The following GPR158 variants were observed in gnomAD, a reference collection of about 807,000 sequenced individuals.
The protein encoded by GPR158 is G protein-coupled receptor 158.
GPR158 carries 30 observed loss-of-function variants against 78.2 expected under a neutral mutation model. The observed-to-expected ratio is 0.38, with a 90% CI of 0.29 to 0.52. GPR158 has a LOEUF of 0.52. Ranked by LOEUF, GPR158 falls within the 20% of genes least tolerant of loss-of-function variation. The probability of loss-of-function intolerance (pLI) is 0.83; values close to 1 mark genes in which losing one functional copy is unlikely to be tolerated. For synonymous variants in GPR158, 581 were observed against 591.1 expected (o/e 0.98, Z 0.25); for missense variants, 1,463 against 1,523.5 (o/e 0.96, Z 0.66).
chr10:25,595,454 G>A (rs1475250809), intron 9 of GPR158, among the ~76,000 whole-genome samples: 1 of 152,166 alleles, frequency 6.6e-6, no homozygotes, highest in Admixed American at 6.5e-5. Flanking sequence ...GTAGAAGGAT[G>A]TTCATAGCAG....
chr10:25,545,362 G>A (rs1836649383), intron 5 of GPR158, among the ~76,000 whole-genome samples: 1 of 152,068 alleles, frequency 6.6e-6, no homozygotes, highest in Admixed American at 6.6e-5. Context: ...ATCCTCTCCA[G>A]GATCTGTTGT....
In GPR158 at chr10:25,197,121, A is replaced by G. The variant is rs1317282721; in HGVS notation, c.902+20799A>G. 2.0e-5 allele frequency among the ~76,000 whole-genome samples: 3 copies of G among 152,214 alleles called. No individual in the cohort carries two copies. In the East Asian group the frequency reaches 5.8e-4, roughly 29 times the overall value. ...ACAGTTGGATGTGGAGGGAGGAGGT[A>G]GAGAAACATATGATCTGTTCACTAT... is the stretch of plus-strand genomic sequence containing the variant. On this transcript the variant is annotated intron_variant, in intron 1 of 10. Coordinates refer to ENST00000376351, the MANE Select transcript of GPR158 (RefSeq NM_020752.3).
intron 2 of GPR158, among the ~76,000 whole-genome samples, chr10:25,284,092 G>T (rs1854314320): frequency 6.6e-6 from 1 of 152,012 alleles, no homozygotes; most frequent in South Asian, 2.1e-4. Flanking sequence ...TTCTGCTTTT[G>T]CTGGGTAGAG....
At chr10:25,462,252 G>C (rs948623785) in intron 4 of GPR158, among the ~76,000 whole-genome samples, 3 of 152,286 alleles carry the variant, frequency 2.0e-5, no homozygotes, top group Admixed American at 1.3e-4. Flanking sequence ...GGATGTGATA[G>C]CACATCTATT....
At chr10:25,313,284 A>G (rs1241114368) in intron 2 of GPR158, among the ~76,000 whole-genome samples, 2 of 150,048 alleles carry the variant, frequency 1.3e-5, no homozygotes, top group African/African-American at 4.9e-5. Context: ...ACATTAGGAG[A>G]TATACCTAAT....
At chr10:25,556,274 C>A (rs1385186187) in intron 6 of GPR158, among the ~76,000 whole-genome samples, 1 of 152,136 alleles carries the variant, frequency 6.6e-6, no homozygotes, top group African/African-American at 2.4e-5. Flanking sequence ...TTGACCCCAC[C>A]CAGCACACAG....
intron 2 of GPR158, among the ~76,000 whole-genome samples, chr10:25,308,297 CGA>C (rs1445503677): frequency 1.1e-4 from 16 of 152,112 alleles, no homozygotes; most frequent in Non-Finnish European, 1.5e-4. Flanking sequence ...AATGCTCTCC[CGA>C]CTCAAACCTA....
At chr10:25,181,632 C>A (rs1164825493) in intron 1 of GPR158, among the ~76,000 whole-genome samples, 1 of 152,180 alleles carries the variant, frequency 6.6e-6, no homozygotes, top group Admixed American at 6.5e-5. Flanking sequence ...GTTTCTTCAA[C>A]TGTAAATTGA....
chr10:25,319,641 A>G (rs559639889), intron 2 of GPR158, among the ~76,000 whole-genome samples: 25 of 152,194 alleles, frequency 1.6e-4, no homozygotes, highest in Non-Finnish European at 3.2e-4. Context: ...CTAAAACATA[A>G]AAGAACATTA....
chr10:25,175,834 G>T lies in GPR158; in HGVS notation c.414G>T (p.Val138=). The T allele has an allele frequency of 6.2e-7, 1 of 1,613,384 alleles. No homozygotes were observed. The highest frequency in any genetic ancestry group is 8.5e-7 in the Non-Finnish European group (1 of 1,179,984). Residue 138 remains valine (V), a synonymous_variant, in exon 1 of 11, where the codon GTG becomes GTT. Transcript: ENST00000376351. The surrounding 1 kb of genome is among the most constrained non-coding windows in gnomAD (Gnocchi z 6.4). ...CACACGCCACCAACTTCCTCAACGT[G>T]ATGCTGCAGAGCAATAAGTCGCGGG... The part of the protein sequence containing the change: ...TLTHATNFLN[V]MLQSNKSREQ...
chr10:25,531,196 G>A (rs759398426), intron 5 of GPR158, among the ~76,000 whole-genome samples: 9 of 152,144 alleles, frequency 5.9e-5, no homozygotes, highest in Non-Finnish European at 1.2e-4. Context: ...ACGGCACCTT[G>A]TGTGGAGATT....
rs140079238 is a variant in GPR158 at position 25,598,500 on chromosome 10, C to T, written c.2874C>T (p.Pro958=). ...SDNTETKDPA[P]QNSNPAEEPR... ...ACACAGAGACTAAAGATCCTGCCCCCCAAAACTCAAATCCTGCGGAGGAGC... is the reference window on the plus strand; with the variant it reads ...ACACAGAGACTAAAGATCCTGCCCCTCAAAACTCAAATCCTGCGGAGGAGC... Residue 958 remains proline (P), a synonymous_variant, in exon 11 of 11, where the codon CCC becomes CCT. Transcript: ENST00000376351. 6.2e-7 allele frequency: 1 copy of T among 1,614,050 alleles called. No individual in the cohort carries two copies. The highest frequency in any genetic ancestry group is 8.5e-7 in the Non-Finnish European group (1 of 1,180,018).
At chr10:25,238,313 T>G (rs1254250317) in intron 2 of GPR158, among the ~76,000 whole-genome samples, 1 of 152,222 alleles carries the variant, frequency 6.6e-6, no homozygotes, top group Non-Finnish European at 1.5e-5. Flanking sequence ...GATTATAATG[T>G]GTGATTGACA....
intron 1 of GPR158, among the ~76,000 whole-genome samples, chr10:25,210,084 G>A (rs539628411): frequency 5.2e-4 from 79 of 152,206 alleles, no homozygotes; most frequent in Non-Finnish European, 5.9e-4. Context: ...CAGTTACACA[G>A]TGACAGAAAG....
At chr10:25,284,267 T>A (rs1854316255) in intron 2 of GPR158, among the ~76,000 whole-genome samples, 1 of 152,050 alleles carries the variant, frequency 6.6e-6, no homozygotes, top group African/African-American at 2.4e-5. Context: ...ATTTGATTAG[T>A]TTTTGCTTCA....
intron 4 of GPR158, among the ~76,000 whole-genome samples, chr10:25,463,147 A>G (rs1835377947): frequency 6.6e-6 from 1 of 152,242 alleles, no homozygotes; most frequent in African/African-American, 2.4e-5. Flanking sequence ...ACCCTCCACC[A>G]GCAAAAAGAT....
In GPR158 at chr10:25,594,371, A is replaced by C. The variant is rs767819600; in HGVS notation, c.1972A>C (p.Thr658Pro). Residue 658 changes from threonine to proline, a missense_variant, in exon 9 of 11, where the codon ACC (threonine) becomes CCC (proline). Coordinates refer to ENST00000376351, the MANE Select transcript of GPR158 (RefSeq NM_020752.3). The part of the protein sequence containing the change: ...FAHTHLTVTV[T>P]IGLLLIPKFS... ...ACATACTCATTTGACTGTGACAGTCACCATTGGGTTGCTTTTGATTCCAAA... is the reference window on the plus strand; with the variant it reads ...ACATACTCATTTGACTGTGACAGTCCCCATTGGGTTGCTTTTGATTCCAAA... 3.1e-5 allele frequency: 48 copies of C among 1,565,136 alleles called. No homozygotes were observed. Among genetic ancestry groups the C allele is most frequent in the Non-Finnish European group, 4.1e-5 (47 of 1,139,908 alleles).
intron 3 of GPR158, among the ~76,000 whole-genome samples, chr10:25,400,356 C>T (rs1308364631): frequency 6.6e-6 from 1 of 152,132 alleles, no homozygotes; most frequent in Non-Finnish European, 1.5e-5. Context: ...TGGTGCTGAT[C>T]TCTTAGAGAA....
chr10:25,217,900 C>CT, intron 1 of GPR158, among the ~76,000 whole-genome samples: 1 of 152,184 alleles, frequency 6.6e-6, no homozygotes. Context: ...TTGACCCTCA[C>CT]TTTCCTGTCC....
Sources: allele counts gnomAD v4.1 joint callset (sites outside exome capture counted in the v4.1 genomes callset), GRCh38; gene constraint gnomAD v4.1.1; non-coding constraint Gnocchi (gnomAD v3.1); transcripts MANE v1.5; gene names NCBI Gene and HGNC (gene_info 2026-07-23, HGNC 2026-07-21).